The following ITGB1BP1 variants were observed in gnomAD, a reference collection of about 807,000 sequenced individuals.
ITGB1BP1 encodes integrin subunit beta 1 binding protein 1, also known as integrin beta-1-binding protein 1.
In ITGB1BP1, 20 loss-of-function variants were observed where a neutral mutation model predicts 28.0. The ratio of observed to expected loss-of-function variants is 0.71; its 90% CI spans 0.50 to 1.04. The LOEUF is 1.04. Among genes scored for constraint, ITGB1BP1 ranks in the 50% least tolerant of loss-of-function variants. The pLI is 0.00. For missense variants in ITGB1BP1, 228 were observed against 242.5 expected (o/e 0.94, Z 0.40); for synonymous variants, 103 against 89.5 (o/e 1.15, Z -0.85).
At chr2:9,414,982 A>C (rs1678932712) in intron 2 of ITGB1BP1, among the ~76,000 whole-genome samples, 1 of 152,174 alleles carries the variant, frequency 6.6e-6, no homozygotes, top group Non-Finnish European at 1.5e-5. Context: ...AGTGGCTGAC[A>C]CCTGTAATCT....
Position 9,414,178 on chromosome 2 carries a change from C to G in ITGB1BP1, c.151G>C (p.Gly51Arg). 6 of 1,613,328 alleles carry G rather than the reference C, an allele frequency of 3.7e-6. No homozygotes were observed. The highest frequency in any genetic ancestry group is 5.1e-6 in the Non-Finnish European group (6 of 1,179,324). Residue 51 changes from glycine to arginine, a missense_variant and splice_region_variant, in exon 3 of 7, where the codon GGA becomes CGA. Gly to Arg is a moderately radical substitution (Grantham distance 125). Coordinates refer to ENST00000355346, the MANE Select transcript of ITGB1BP1 (RefSeq NM_004763.5). ...TCAATGATCCAACCCTTTTATGTAC[C>G]TGAGCTTTTGGTGGAATCTGTGTCG... ...SLDTDSTKSS[G>R]QSNNNSDTCA...
intron 5 of ITGB1BP1, 105 bp from the exon 6 acceptor site, chr2:9,407,703 T>C: frequency 7.8e-7 from 1 of 1,284,584 alleles, no homozygotes; most frequent in South Asian, 1.4e-5. Context: ...AGCATATCCA[T>C]AGGTTTCTCA....
chr2:9,407,690 A>G lies in ITGB1BP1; in HGVS notation c.382-92T>C. On this transcript the variant is annotated intron_variant, in intron 5 of 6. Coordinates refer to ENST00000355346, the MANE Select transcript of ITGB1BP1 (RefSeq NM_004763.5). ...CCCTCCCAGGCAGAGTGAGGCTTGAAACAGCATATCCATAGGTTTCTCACC... is the reference window on the plus strand; with the variant it reads ...CCCTCCCAGGCAGAGTGAGGCTTGAGACAGCATATCCATAGGTTTCTCACC... 2.1e-6 allele frequency: 3 copies of G among 1,413,196 alleles called. No homozygotes were observed. In the South Asian group the frequency reaches 3.8e-5, roughly 18 times the overall value. 87.5% of individuals were successfully genotyped at this position (1,413,196 alleles called of 1,614,324 possible).
At chr2:9,420,660 T>C (rs562732554) in intron 1 of ITGB1BP1, among the ~76,000 whole-genome samples, 2 of 152,178 alleles carry the variant, frequency 1.3e-5, no homozygotes, top group Admixed American at 6.5e-5. Flanking sequence ...GTCAAGGCTG[T>C]CCGGGAGCAG....
intron 5 of ITGB1BP1, 138 bp from the exon 6 acceptor site, chr2:9,407,736 T>C: frequency 4.3e-6 from 4 of 923,108 alleles, no homozygotes; most frequent in Non-Finnish European, 6.5e-6. Flanking sequence ...TCCTGTATGC[T>C]CAGTCTCGGG....
chr2:9,423,423 G>A lies in ITGB1BP1; in HGVS notation c.-86C>T, dbSNP rs1349746392. 5 of 1,145,510 alleles carry A rather than the reference G, an allele frequency of 4.4e-6. No homozygotes were observed. The highest frequency in any genetic ancestry group is 3.4e-5 in the African/African-American group (2 of 59,216). 71.0% of individuals were successfully genotyped at this position (1,145,510 alleles called of 1,614,324 possible). A position where few individuals can be genotyped will look rare whatever the true frequency, so the allele number is the denominator to read the frequency against. On this transcript the variant is annotated 5_prime_UTR_variant, in exon 1 of 7. Coordinates refer to ENST00000355346, the MANE Select transcript of ITGB1BP1 (RefSeq NM_004763.5). ...GTTGCGGACTTCGGGGTCCGCGTGG[G>A]AGTGCCGCGGCCTTTGGCGCCCAGG...
In ITGB1BP1 at chr2:9,405,397, G is replaced by T. The variant is rs1677132414; in HGVS notation, c.*1437C>A. On this transcript the variant is annotated 3_prime_UTR_variant, in exon 7 of 7. Transcript: ENST00000355346. ...GCATGCCATTCTCCATCAGATCTGGGATGATGGCTCAGAACATGTACACAG... is the reference window on the plus strand; with the variant it reads ...GCATGCCATTCTCCATCAGATCTGGTATGATGGCTCAGAACATGTACACAG... 6.6e-6 allele frequency: 1 copy of T among 152,610 alleles called. No individual in the cohort carries two copies. The highest frequency in any genetic ancestry group is 1.5e-5 in the Non-Finnish European group (1 of 68,026). 9.5% of individuals were successfully genotyped at this position (152,610 alleles called of 1,614,324 possible).
At chr2:9,417,481 G>A (rs1187661453) in intron 2 of ITGB1BP1, among the ~76,000 whole-genome samples, 2 of 151,876 alleles carry the variant, frequency 1.3e-5, no homozygotes, top group Admixed American at 6.6e-5. Flanking sequence ...GTCCAGTGGT[G>A]TGATCTCAGC....
At chr2:9,418,807 C>A in intron 1 of ITGB1BP1, 75 bp from the exon 2 acceptor site, 1 of 1,028,416 alleles carries the variant, frequency 9.7e-7, no homozygotes. Flanking sequence ...GAGACAGAGT[C>A]TTGCTCTTAC....
At chr2:9,407,174 A>C (rs1045944375) in intron 6 of ITGB1BP1, 16 of 599,310 alleles carry the variant, frequency 2.7e-5, no homozygotes, top group Non-Finnish European at 4.7e-5. Flanking sequence ...GAAATGGAAG[A>C]AGCCTTCGGC....
intron 1 of ITGB1BP1, among the ~76,000 whole-genome samples, chr2:9,421,018 G>T (rs1430302553): frequency 6.6e-6 from 1 of 152,190 alleles, no homozygotes; most frequent in Non-Finnish European, 1.5e-5. Flanking sequence ...TCCAAGGCCT[G>T]CACGAAACTA....
rs1676986161 is a variant in ITGB1BP1, at chr2:9,404,150, G to A, written c.*2684C>T. ...TTCCTGAGTCACACAGAAAGCAACT[G>A]TACACAGTAGAATTCTGTGGCGCAG... On this transcript the variant is annotated 3_prime_UTR_variant, in exon 7 of 7. Transcript: ENST00000355346. 2 of 152,236 alleles carry A rather than the reference G, an allele frequency of 1.3e-5. No individual in the cohort carries two copies. 9.4% of individuals were successfully genotyped at this position (152,236 alleles called of 1,614,324 possible).
intron 5 of ITGB1BP1, chr2:9,407,901 G>GA (rs1446995479): frequency 3.5e-6 from 2 of 569,488 alleles, no homozygotes; most frequent in African/African-American, 1.9e-5. Context: ...TGGGGGTGGG[G>GA]GGGGCAGGTT....
At chr2:9,421,755 T>C (rs997048884) in intron 1 of ITGB1BP1, among the ~76,000 whole-genome samples, 3 of 151,760 alleles carry the variant, frequency 2.0e-5, no homozygotes, top group Admixed American at 6.6e-5. Context: ...GATTGGATGC[T>C]CCGCAGGCTC....
rs986278784 is a variant in ITGB1BP1, at chr2:9,415,104, T to A, written c.73-848A>T. ...ACTTAAAAAAAAAAATATGGCTGGG[T>A]GTGGTGGCTCACGCCTGTAATCCCA... On this transcript the variant is annotated intron_variant, in intron 2 of 6. Transcript: ENST00000355346. This position sits in a 1 kb window ranked among gnomAD's most constrained non-coding sequence, Gnocchi z 4.1. 7.2e-6 allele frequency among the ~76,000 whole-genome samples: 1 copy of A among 138,182 alleles called. No individual in the cohort carries two copies. Among genetic ancestry groups the A allele is most frequent in the African/African-American group, 2.7e-5 (1 of 36,674 alleles). 90.7% of individuals were successfully genotyped at this position (138,182 alleles called of 152,430 possible).
intron 4 of ITGB1BP1, among the ~76,000 whole-genome samples, chr2:9,410,559 C>T (rs1678225582): frequency 6.6e-6 from 1 of 152,060 alleles, no homozygotes. Flanking sequence ...TCAACCTCAG[C>T]CTCCCGAGTA....
intron 1 of ITGB1BP1, among the ~76,000 whole-genome samples, chr2:9,420,620 C>T (rs540709322): frequency 6.6e-6 from 1 of 152,262 alleles, no homozygotes; most frequent in Admixed American, 6.5e-5. Flanking sequence ...GAGGCAATGC[C>T]GTGCGGGTGG....
intron 2 of ITGB1BP1, among the ~76,000 whole-genome samples, chr2:9,414,947 G>A (rs545378600): frequency 6.6e-6 from 1 of 152,292 alleles, no homozygotes; most frequent in Non-Finnish European, 1.5e-5. Context: ...AATTTCTTTA[G>A]AAATAATAGT....
At chr2:9,421,638 GATC>G (rs1267789985) in intron 1 of ITGB1BP1, among the ~76,000 whole-genome samples, 1 of 149,074 alleles carries the variant, frequency 6.7e-6, no homozygotes, top group Non-Finnish European at 1.5e-5. Context: ...AGTGAGCCGA[GATC>G]GCGCCACTGC....
Sources: allele counts gnomAD v4.1 joint callset (sites outside exome capture counted in the v4.1 genomes callset), GRCh38; gene constraint gnomAD v4.1.1; non-coding constraint Gnocchi (gnomAD v3.1); transcripts MANE v1.5; gene names NCBI Gene and HGNC (gene_info 2026-07-23, HGNC 2026-07-21).